Variants in CSMD1 observed in about 807,000 individuals in gnomAD.
CSMD1 encodes the protein CUB and sushi domain-containing protein 1.
Under a neutral mutation model 417.5 loss-of-function variants are expected in CSMD1, and 213 were observed. That is an observed-to-expected ratio of 0.51 (90% CI 0.46 to 0.57). The LOEUF (loss-of-function observed/expected upper bound fraction) is 0.57, where lower values mean the gene tolerates loss of function less well. Ranked by LOEUF, CSMD1 falls within the 20% of genes least tolerant of loss-of-function variation. The probability of loss-of-function intolerance (pLI) is 0.00; values close to 1 mark genes in which losing one functional copy is unlikely to be tolerated. For synonymous variants in CSMD1, 2,862 were observed against 1,736.8 expected (o/e 1.65, Z -16.11); for missense variants, 6,923 against 4,529.7 (o/e 1.53, Z -15.17).
In CSMD1 at chr8:4,177,462, T is replaced by C. The variant is rs1056295426; in HGVS notation, c.416-145363A>G. Among the ~76,000 whole-genome samples the C allele has an allele frequency of 8.6e-5, 13 of 151,584 alleles. 1 individual carries two copies. Among genetic ancestry groups the C allele is most frequent in the Middle Eastern group, 6.9e-3 (2 of 290 alleles). On this transcript the variant is annotated intron_variant, in intron 3 of 69. Transcript: ENST00000635120. ...AGAGGGAAACTTATAGCACTAAATG[T>C]CCACAAGAGAAAGTAGGAAAGATCC... is the stretch of plus-strand genomic sequence containing the variant.
In CSMD1 at chr8:4,041,439, C is replaced by T. The variant is rs553545883; in HGVS notation, c.416-9340G>A. On this transcript the variant is annotated intron_variant, in intron 3 of 69. Transcript: ENST00000635120. The stretch of plus-strand genomic sequence containing the variant: ...ACGAAAAAAGCAACTTCTTTCGTGC[C>T]TCAACCTACATCCAGCCTTAAAAAG... Among the ~76,000 whole-genome samples, 10 of 152,280 alleles carry T rather than the reference C, an allele frequency of 6.6e-5. No individual in the cohort carries two copies. The East Asian group carries it at 1.2e-3, about 18-fold the overall frequency.
intron 1 of CSMD1, among the ~76,000 whole-genome samples, chr8:4,680,771 G>A (rs1268306283): frequency 6.6e-6 from 1 of 151,992 alleles, no homozygotes. Context: ...GTAGAGACGA[G>A]GTTTCACCAT....
chr8:3,619,832 T>G (rs182770663), intron 7 of CSMD1, among the ~76,000 whole-genome samples: 5 of 152,346 alleles, frequency 3.3e-5, no homozygotes, highest in East Asian at 1.9e-4. Flanking sequence ...ATATATTCAA[T>G]AGAATTTGTA....
intron 1 of CSMD1, among the ~76,000 whole-genome samples, chr8:4,913,560 C>T (rs115358265): frequency 2.0e-5 from 3 of 152,154 alleles, no homozygotes; most frequent in Non-Finnish European, 4.4e-5. Flanking sequence ...GGAACGCCAC[C>T]AACATATGCG....
intron 4 of CSMD1, among the ~76,000 whole-genome samples, chr8:4,022,739 C>G (rs1306128812): frequency 1.3e-5 from 2 of 152,106 alleles, no homozygotes; most frequent in African/African-American, 2.4e-5. Flanking sequence ...ACTGGATGAA[C>G]AGACAACTAG....
At chr8:4,447,101 G>A (rs767658457) in intron 2 of CSMD1, among the ~76,000 whole-genome samples, 3 of 151,990 alleles carry the variant, frequency 2.0e-5, no homozygotes, top group Admixed American at 6.6e-5. Flanking sequence ...TTTGGGAAAA[G>A]GTACTTACTT....
At chr8:3,225,284 C>T (rs772897044) in intron 27 of CSMD1, among the ~76,000 whole-genome samples, 2 of 152,008 alleles carry the variant, frequency 1.3e-5, no homozygotes, top group African/African-American at 4.8e-5. Flanking sequence ...ACTCTGAATG[C>T]TATTGTAGAA....
chr8:4,178,112 G>A (rs1025025357), intron 3 of CSMD1, among the ~76,000 whole-genome samples: 281 of 152,180 alleles, frequency 1.8e-3, no homozygotes, highest in African/African-American at 6.6e-3. Flanking sequence ...CCAAAGCCTG[G>A]CAGAGACACA....
At chr8:4,702,706 A>G (rs1807656151) in intron 1 of CSMD1, among the ~76,000 whole-genome samples, 1 of 152,164 alleles carries the variant, frequency 6.6e-6, no homozygotes. Context: ...ATTGCTAAGT[A>G]CAAAAATTCT....
chr8:4,635,110 A>G (rs960845083), intron 2 of CSMD1, among the ~76,000 whole-genome samples: 1 of 152,164 alleles, frequency 6.6e-6, no homozygotes, highest in African/African-American at 2.4e-5. Flanking sequence ...CAAACAAAAA[A>G]TTGTCGGTAA....
At chr8:4,824,400 C>T (rs1322433616) in intron 1 of CSMD1, among the ~76,000 whole-genome samples, 1 of 151,874 alleles carries the variant, frequency 6.6e-6, no homozygotes. Flanking sequence ...TGATTAAGTC[C>T]CTGAGACCTC....
chr8:4,787,543 C>G (rs1057426251), intron 1 of CSMD1: 2 of 1,390,870 alleles, frequency 1.4e-6, no homozygotes, highest in South Asian at 2.4e-5. Context: ...AAACTGCCTT[C>G]ACCAGAAAAT....
chr8:4,147,188 C>T (rs1356277163), intron 3 of CSMD1, among the ~76,000 whole-genome samples: 2 of 152,046 alleles, frequency 1.3e-5, no homozygotes, highest in Non-Finnish European at 1.5e-5. Context: ...CACCAGGCAA[C>T]ACTCCCTCAC....
At chr8:3,297,921 A>T (rs1176731686) in intron 25 of CSMD1, among the ~76,000 whole-genome samples, 3 of 152,138 alleles carry the variant, frequency 2.0e-5, no homozygotes, top group Non-Finnish European at 2.9e-5. Context: ...ATTTCAGTAT[A>T]AAAAAATGGG....
intron 12 of CSMD1, among the ~76,000 whole-genome samples, chr8:3,433,958 C>T (rs1022072378): frequency 6.6e-6 from 1 of 152,164 alleles, no homozygotes; most frequent in Admixed American, 6.5e-5. Context: ...AGGCAAGACT[C>T]CCCTCTGGAA....
chr8:4,310,197 C>G (rs1001577395), intron 3 of CSMD1, among the ~76,000 whole-genome samples: 4 of 152,148 alleles, frequency 2.6e-5, no homozygotes, highest in African/African-American at 7.2e-5. Context: ...ATGGTAATCT[C>G]CTTTCCATCT....
intron 3 of CSMD1, among the ~76,000 whole-genome samples, chr8:4,092,326 G>C (rs1193462908): frequency 6.6e-6 from 1 of 152,120 alleles, no homozygotes; most frequent in African/African-American, 2.4e-5. Flanking sequence ...CCTTTCCTGT[G>C]TCTGATGCTC....
At chr8:4,573,540 T>G (rs1798988603) in intron 2 of CSMD1, among the ~76,000 whole-genome samples, 1 of 152,118 alleles carries the variant, frequency 6.6e-6, no homozygotes, top group South Asian at 2.1e-4. Context: ...GGAGCTCTCC[T>G]GTATGAGATG....
rs1420352173 is a variant in CSMD1, at chr8:4,236,026, G to GCTTTTTTTTTTTTTTT, written c.415+183926_415+183927insAAAAAAAAAAAAAAAG. The stretch of plus-strand genomic sequence containing the variant: ...GTGAGCAAAGAGGTTAATGGATATT[G>GCTTTTTTTTTTTTTTT]TTTTTTTTGTTTGTTTTTTTTTTTT... On this transcript the variant is annotated intron_variant, in intron 3 of 69. Coordinates refer to ENST00000635120, the MANE Select transcript of CSMD1 (RefSeq NM_033225.6). Among the ~76,000 whole-genome samples, 26 of 108,066 alleles carry GCTTTTTTTTTTTTTTT rather than the reference G, an allele frequency of 2.4e-4. 2 individuals carry two copies. Among genetic ancestry groups the GCTTTTTTTTTTTTTTT allele is most frequent in the African/African-American group, 3.8e-4 (9 of 23,720 alleles). The allele number at this position is 108,066 out of a possible 152,430, so 70.9% of individuals were successfully genotyped here.
Sources: gnomAD v4.1 joint callset for allele counts (sites outside exome capture counted in the v4.1 genomes callset) on GRCh38, gnomAD v4.1.1 for gene constraint, MANE v1.5 for transcripts, NCBI Gene and HGNC (gene_info 2026-07-23, HGNC 2026-07-21) for gene names.